ARHGAP31: variants seen among roughly 807,000 people sequenced by gnomAD.
ARHGAP31 encodes Rho GTPase activating protein 31, also known as rho GTPase-activating protein 31.
In ARHGAP31, 34 loss-of-function variants were observed where a neutral mutation model predicts 113.9. The observed-to-expected ratio is 0.30, with a 90% confidence interval of 0.23 to 0.40. The LOEUF is 0.40. Ranked by LOEUF, ARHGAP31 falls within the 10% of genes least tolerant of loss-of-function variation. The probability of loss-of-function intolerance (pLI) is 1.00; values close to 1 mark genes in which losing one functional copy is unlikely to be tolerated. For synonymous variants in ARHGAP31, 650 were observed against 684.8 expected, an observed-to-expected ratio of 0.95 and a Z score of 0.79; for missense variants, 1,548 against 1,767.1, an observed-to-expected ratio of 0.88 and a Z score of 2.22.
intron 6 of ARHGAP31, among the ~76,000 whole-genome samples, chr3:119,388,308 T>TATATATA (rs1553765977): frequency 0.048 from 6,410 of 133,638 alleles, 315 homozygotes; most frequent in East Asian, 0.14. Flanking sequence ...TGTATAATTT[T>TATATATA]TATATATATA....
chr3:119,326,630 G>A (rs2079846585), intron 1 of ARHGAP31, among the ~76,000 whole-genome samples: 2 of 152,188 alleles, frequency 1.3e-5, no homozygotes. Flanking sequence ...GCACTTGGCA[G>A]TTAACTAGCT....
At position 119,414,673 on chromosome 3, in the gene ARHGAP31, C is replaced by T. The variant is rs1265700706; in HGVS notation, c.2744C>T (p.Thr915Met). ...CCCTGGGAGGAACCCCAGTGGGTGA[C>T]GAGTCCCCTTCACTCTCCCACCCTG... Reference protein sequence around the residue: ...VEPWEEPQWVTSPLHSPTLKD... With the variant: ...VEPWEEPQWVMSPLHSPTLKD... Residue 915 changes from threonine to methionine, a missense_variant, in exon 12 of 12, where the codon ACG becomes ATG. By Grantham distance (81) the Thr-to-Met change is moderately conservative (BLOSUM62 -1). Transcript: ENST00000264245. 5.6e-6 allele frequency: 9 copies of T among 1,614,184 alleles called. No homozygotes were observed. Among genetic ancestry groups the T allele is most frequent in the Middle Eastern group, 1.6e-4 (1 of 6,062 alleles).
Position 119,390,773 on chromosome 3 carries a change from T to C in ARHGAP31, c.683-12T>C, listed in dbSNP as rs367846688. ...CCTCCTCCAACACTGAGCTCTTCCA[T>C]TGCCTTTACAGAAAACCGGCCCATC... On this transcript the variant is annotated splice_polypyrimidine_tract_variant and intron_variant, in intron 6 of 11. Transcript: ENST00000264245. The C allele has an allele frequency of 1.2e-5, 20 of 1,611,446 alleles. No individual in the cohort carries two copies. The highest frequency in any genetic ancestry group is 1.7e-5 in the Admixed American group (1 of 59,986).
Position 119,401,884 on chromosome 3 carries a change from A to G in ARHGAP31, c.1132A>G (p.Thr378Ala), listed in dbSNP as rs2080611430. 2 of 1,614,004 alleles carry G rather than the reference A, an allele frequency of 1.2e-6. No individual in the cohort carries two copies. Among genetic ancestry groups the G allele is most frequent in the South Asian group, 2.2e-5 (2 of 91,062 alleles). The change falls in exon 10 of 12, where the codon ACA becomes GCA. Residue 378 changes from threonine to alanine, a missense_variant. Transcript: ENST00000264245. ...CACCGGTGGATTTTTCATTCCAGCA[A>G]CAAAGATGCACTCCACCGGCACCGG... ...VTTGGFFIPA[T>A]KMHSTGTGSS...
chr3:119,357,361 G>C (rs1218932365), intron 1 of ARHGAP31, among the ~76,000 whole-genome samples: 1 of 152,170 alleles, frequency 6.6e-6, no homozygotes, highest in African/African-American at 2.4e-5. Flanking sequence ...AAGGTGCAGA[G>C]CATATTCAGG....
At chr3:119,408,370 C>T (rs926859424) in intron 10 of ARHGAP31, among the ~76,000 whole-genome samples, 4 of 152,206 alleles carry the variant, frequency 2.6e-5, no homozygotes, top group African/African-American at 9.6e-5. Context: ...TTAGTTCAGA[C>T]ATCAGAATGC....
intron 3 of ARHGAP31, among the ~76,000 whole-genome samples, chr3:119,375,289 C>G (rs1382509009): frequency 1.3e-5 from 2 of 152,170 alleles, no homozygotes; most frequent in African/African-American, 2.4e-5. Context: ...TCCAGAGGCT[C>G]TAGAGGAAAA....
At chr3:119,362,008 T>G (rs571641068) in intron 1 of ARHGAP31, among the ~76,000 whole-genome samples, 8 of 152,198 alleles carry the variant, frequency 5.3e-5, no homozygotes, top group Admixed American at 1.3e-4. Context: ...CCAGAATAAA[T>G]TTATGGCAGA....
intron 1 of ARHGAP31, among the ~76,000 whole-genome samples, chr3:119,332,776 T>TG (rs1302109742): frequency 6.6e-6 from 1 of 152,062 alleles, no homozygotes; most frequent in Non-Finnish European, 1.5e-5. Flanking sequence ...TGCTCACTCA[T>TG]GTTGACAAGT....
Position 119,416,210 on chromosome 3 carries a change from G to T in ARHGAP31, c.4281G>T (p.Gln1427His), listed in dbSNP as rs767061682. Residue 1427 changes from glutamine (Q) to histidine (H), a missense_variant, in exon 12 of 12, where the codon CAG becomes CAT. Physicochemically the swap from Gln to His is conservative, Grantham distance 24 (BLOSUM62 0). Transcript: ENST00000264245. Reference sequence around the variant, plus strand: ...AGACCTCAACCAGCTGTTTTTACCAGCCTCAGCGGAGATCAGTAATTCTGG... The same window carrying T: ...AGACCTCAACCAGCTGTTTTTACCATCCTCAGCGGAGATCAGTAATTCTGG... ...RLETSTSCFY[Q>H]PQRRSVILDG... The T allele has an allele frequency of 6.8e-6, 11 of 1,614,092 alleles. No individual in the cohort carries two copies. The highest frequency in any genetic ancestry group is 9.3e-6 in the Non-Finnish European group (11 of 1,180,046).
intron 8 of ARHGAP31, among the ~76,000 whole-genome samples, chr3:119,394,238 C>CT (rs1301139820): frequency 1.3e-5 from 2 of 152,126 alleles, no homozygotes; most frequent in Non-Finnish European, 2.9e-5. Context: ...TTAAAGTGCT[C>CT]TTTGTCATGA....
chr3:119,352,811 G>A (rs1404408572), intron 1 of ARHGAP31, among the ~76,000 whole-genome samples: 3 of 152,184 alleles, frequency 2.0e-5, no homozygotes, highest in African/African-American at 4.8e-5. Context: ...TGGAAGTAGA[G>A]ATCAAGATAG....
intron 1 of ARHGAP31, among the ~76,000 whole-genome samples, chr3:119,326,498 C>G: frequency 6.6e-6 from 1 of 152,008 alleles, no homozygotes; most frequent in East Asian, 1.9e-4. Flanking sequence ...AATAGCATTC[C>G]CCTCTGGGAA....
At chr3:119,392,835 C>T (rs1032914838) in intron 7 of ARHGAP31, among the ~76,000 whole-genome samples, 2 of 152,254 alleles carry the variant, frequency 1.3e-5, no homozygotes, top group African/African-American at 4.8e-5. Flanking sequence ...CCTTTTCAGT[C>T]CGTGAAAGTC....
rs1350053498 is a variant in ARHGAP31 at position 119,368,438 on chromosome 3, T to C, written c.270T>C (p.Cys90=). The C allele has an allele frequency of 6.2e-7, 1 of 1,614,190 alleles. No individual in the cohort carries two copies. Among genetic ancestry groups the C allele is most frequent in the South Asian group, 1.1e-5 (1 of 91,082 alleles). ...TREVYLQDIH[C]VGSLCKLYFR... is the part of the protein sequence containing the mutation. ...AAGTGTACCTCCAGGACATCCACTGTGTGGGCTCGCTTTGCAAGCTCTACT... is the reference window on the plus strand; with the variant it reads ...AAGTGTACCTCCAGGACATCCACTGCGTGGGCTCGCTTTGCAAGCTCTACT... The change falls in exon 3 of 12, where the codon TGT becomes TGC. Residue 90 remains cysteine (C), a synonymous_variant. Coordinates refer to ENST00000264245, the MANE Select transcript of ARHGAP31 (RefSeq NM_020754.4).
chr3:119,401,032 G>A (rs7626090), intron 9 of ARHGAP31, among the ~76,000 whole-genome samples: 7,144 of 152,044 alleles, frequency 0.047, 230 homozygotes, highest in Non-Finnish European at 0.067. Flanking sequence ...TTAGCCGGGC[G>A]CGGTGGCAGG....
chr3:119,406,739 G>T (rs774839568), intron 10 of ARHGAP31, among the ~76,000 whole-genome samples: 3 of 152,210 alleles, frequency 2.0e-5, no homozygotes, highest in African/African-American at 4.8e-5. Context: ...CAGCCCAGAA[G>T]CATGGAGAAT....
chr3:119,375,367 T>C (rs9822221), intron 3 of ARHGAP31, among the ~76,000 whole-genome samples: 87,811 of 151,956 alleles, frequency 0.58, 26,545 homozygotes, highest in African/African-American at 0.77. Context: ...GCCTCACTCC[T>C]GTCTCTGCCT....
At chr3:119,333,169 G>C (rs929276163) in intron 1 of ARHGAP31, among the ~76,000 whole-genome samples, 4 of 152,130 alleles carry the variant, frequency 2.6e-5, no homozygotes, top group African/African-American at 9.7e-5. Flanking sequence ...GCCCAACCCA[G>C]CATTCTGGGT....
Sources: gnomAD v4.1 joint callset for allele counts (sites outside exome capture counted in the v4.1 genomes callset) on GRCh38, gnomAD v4.1.1 for gene constraint, MANE v1.5 for transcripts, NCBI Gene and HGNC (gene_info 2026-07-23, HGNC 2026-07-21) for gene names.